Variants in ABT1 observed in about 807,000 individuals in gnomAD.
The protein encoded by ABT1 is activator of basal transcription 1.
A neutral mutation model predicts 14.0 loss-of-function variants in ABT1; 13 were observed. The ratio of observed to expected loss-of-function variants is 0.93; its 90% CI spans 0.61 to 1.48. The LOEUF (loss-of-function observed/expected upper bound fraction) is 1.48, where lower values mean the gene tolerates loss of function less well. Among genes scored for constraint, ABT1 ranks in the 40% most tolerant of loss-of-function variants. The pLI is 0.00. For missense variants in ABT1, 430 were observed against 380.0 expected (o/e 1.13, Z -1.09); for synonymous variants, 165 against 144.6 (o/e 1.14, Z -1.01).
Position 26,597,981 on chromosome 6 carries a change from G to A in ABT1, c.309G>A (p.Lys103=). The change falls in exon 2 of 3, where the codon AAG becomes AAA. Residue 103 remains lysine, a synonymous_variant. Transcript: ENST00000274849. ...AAGGKKRSYT[K]DYTEGWVEFR... ...GAGGAAAAAAGCGGTCCTACACCAA[G>A]GACTACACCGAGGGATGGGTGGAGT... 6.2e-7 allele frequency: 1 copy of A among 1,614,188 alleles called. No individual in the cohort carries two copies.
chr6:26,598,772 C>G lies in ABT1; in HGVS notation c.*127C>G. The G allele has an allele frequency of 3.9e-6, 5 of 1,291,718 alleles. No homozygotes were observed. The highest frequency in any genetic ancestry group is 5.1e-6 in the Non-Finnish European group (5 of 973,234). The allele number at this position is 1,291,718 out of a possible 1,614,324, so 80.0% of individuals were successfully genotyped here. On this transcript the variant is annotated 3_prime_UTR_variant, in exon 3 of 3. Coordinates refer to ENST00000274849, the MANE Select transcript of ABT1 (RefSeq NM_013375.4). ...TCAGACCAAGTGTCTACTGATGGCC[C>G]AAACATGGAGTTTTGTGGGCTTCCA...
Position 26,598,623 on chromosome 6 carries a change from C to A in ABT1, c.797C>A (p.Pro266His). 2 of 1,570,598 alleles carry A rather than the reference C, an allele frequency of 1.3e-6. No individual in the cohort carries two copies. The highest frequency in any genetic ancestry group is 1.8e-5 in the Admixed American group (1 of 56,044). The stretch of plus-strand genomic sequence containing the variant: ...CCACCCTCAGAGAGCATGGAGGGAC[C>A]TTCCCTTGTCAGGGACTCCTGAGGG... ...APPPSESMEG[P>H]SLVRDS The change falls in exon 3 of 3, where the codon CCT becomes CAT. Residue 266 changes from proline to histidine, a missense_variant. Physicochemically the swap from Pro to His is moderately conservative, Grantham distance 77 (BLOSUM62 -2). Coordinates refer to ENST00000274849, the MANE Select transcript of ABT1 (RefSeq NM_013375.4).
chr6:26,598,033 G>A lies in ABT1; in HGVS notation c.361G>A (p.Val121Met), dbSNP rs782312171. The A allele has an allele frequency of 3.7e-6, 6 of 1,614,220 alleles. No individual in the cohort carries two copies. Among genetic ancestry groups the A allele is most frequent in the Non-Finnish European group, 5.1e-6 (6 of 1,180,036 alleles). ...CCGTGACAAGCGCATAGCCAAGCGC[G>A]TGGCGGCCAGTCTACACAACACGCC... is the stretch of plus-strand genomic sequence containing the variant. ...EFRDKRIAKR[V>M]AASLHNTPMG... The change falls in exon 2 of 3, where the codon GTG becomes ATG. Residue 121 changes from valine (V) to methionine (M), a missense_variant. By Grantham distance (21) the Val-to-Met change is conservative. Coordinates refer to ENST00000274849, the MANE Select transcript of ABT1 (RefSeq NM_013375.4).
chr6:26,596,957 C>T lies in ABT1; in HGVS notation c.-26C>T. ...CGTCAGTTGGCAAGGCACTTTACGG[C>T]CGTCGTGCCGCTCGTGTCAGTCAAC... On this transcript the variant is annotated 5_prime_UTR_variant, in exon 1 of 3. Coordinates refer to ENST00000274849, the MANE Select transcript of ABT1 (RefSeq NM_013375.4). 2 of 1,599,408 alleles carry T rather than the reference C, an allele frequency of 1.3e-6. No individual in the cohort carries two copies. The highest frequency in any genetic ancestry group is 1.7e-6 in the Non-Finnish European group (2 of 1,173,548).
intron 1 of ABT1, 146 bp downstream of exon 1, chr6:26,597,369 G>A: frequency 7.9e-7 from 1 of 1,266,992 alleles, no homozygotes; most frequent in East Asian, 2.5e-5. Context: ...TTGGCTCCTG[G>A]CTGGTGAATC....
rs1764907830 is a variant in ABT1 at position 26,597,008 on chromosome 6, C to T, written c.26C>T (p.Ala9Val). The T allele has an allele frequency of 8.7e-6, 14 of 1,612,336 alleles. No individual in the cohort carries two copies. The highest frequency in any genetic ancestry group is 1.2e-5 in the Non-Finnish European group (14 of 1,179,574). Residue 9 changes from alanine to valine, a missense_variant, in exon 1 of 3, where the codon GCC (alanine) becomes GTC (valine). Ala to Val is a moderately conservative substitution (Grantham distance 64). Transcript: ENST00000274849. MEAEESEKAATEQEPLEGT... is the reference protein window; with the variant it reads MEAEESEKVATEQEPLEGT... The stretch of plus-strand genomic sequence containing the variant: ...ATGGAGGCAGAGGAATCGGAGAAGG[C>T]CGCAACGGAGCAAGAGCCGCTGGAA...
rs1764909781 is a variant in ABT1, at chr6:26,597,070, G to A, written c.88G>A (p.Glu30Lys). The change falls in exon 1 of 3, where the codon GAG (glutamate) becomes AAG (lysine). Residue 30 changes from glutamate to lysine, a missense_variant. By Grantham distance (56) the Glu-to-Lys change is moderately conservative (BLOSUM62 1). Coordinates refer to ENST00000274849, the MANE Select transcript of ABT1 (RefSeq NM_013375.4). Reference sequence around the variant, plus strand: ...GACACTAGATGCGGAGGAGGAGCAGGAGGAATCCGAAGAAGCGGCCTGTGG... The same window carrying A: ...GACACTAGATGCGGAGGAGGAGCAGAAGGAATCCGAAGAAGCGGCCTGTGG... The part of the protein sequence containing the change: ...EQTLDAEEEQ[E>K]ESEEAACGSK... The A allele has an allele frequency of 6.2e-7, 1 of 1,614,070 alleles. No individual in the cohort carries two copies. Among genetic ancestry groups the A allele is most frequent in the Non-Finnish European group, 8.5e-7 (1 of 1,180,028 alleles).
At chr6:26,597,384 T>A (rs1490533565) in intron 1 of ABT1, among the ~76,000 whole-genome samples, 161 bp downstream of exon 1, 2 of 149,452 alleles carry the variant, frequency 1.3e-5, no homozygotes, top group Admixed American at 6.6e-5. Context: ...TGAATCAGTC[T>A]GTGAGGATGC....
chr6:26,597,891 G>C, intron 1 of ABT1, 23 bp from the exon 2 acceptor site: 1 of 1,594,650 alleles, frequency 6.3e-7, no homozygotes, highest in Non-Finnish European at 8.6e-7. Context: ...CGTCCTGGAC[G>C]GGTCTTTGTC....
rs782202066 is a variant in ABT1 at position 26,597,079 on chromosome 6, G to T, written c.97G>T (p.Glu33Ter). ...TGCGGAGGAGGAGCAGGAGGAATCCGAAGAAGCGGCCTGTGGCAGCAAGAA... is the reference window on the plus strand; with the variant it reads ...TGCGGAGGAGGAGCAGGAGGAATCCTAAGAAGCGGCCTGTGGCAGCAAGAA... The part of the protein sequence containing the change: ...LDAEEEQEES[E>*]EAACGSKKRV... The change falls in exon 1 of 3, where the codon GAA becomes TAA. Residue 33 changes from glutamate (E) to a stop codon, truncating the protein, a stop_gained. Transcript: ENST00000274849. LOFTEE classifies it high-confidence loss of function. The T allele has an allele frequency of 6.2e-7, 1 of 1,614,062 alleles. No individual in the cohort carries two copies. The highest frequency in any genetic ancestry group is 1.7e-5 in the Admixed American group (1 of 60,014).
Position 26,599,902 on chromosome 6 carries a change from T to C in ABT1, c.*1257T>C, listed in dbSNP as rs1355546889. The C allele has an allele frequency of 1.3e-5, 2 of 152,264 alleles. No homozygotes were observed. 9.4% of individuals were successfully genotyped at this position (152,264 alleles called of 1,614,324 possible). A position where few individuals can be genotyped will look rare whatever the true frequency, so the allele number is the denominator to read the frequency against. On this transcript the variant is annotated 3_prime_UTR_variant, in exon 3 of 3. Coordinates refer to ENST00000274849, the MANE Select transcript of ABT1 (RefSeq NM_013375.4). ...TTATAATTTCTGTTTGCTTGTGCTG[T>C]TTGTTTTTGTTTTTCATCTGTCAAT...
In ABT1 at chr6:26,598,464, A is replaced by G. The variant is rs1764933602; in HGVS notation, c.638A>G (p.Gln213Arg). 6.2e-7 allele frequency: 1 copy of G among 1,614,064 alleles called. No homozygotes were observed. Among genetic ancestry groups the G allele is most frequent in the African/African-American group, 1.3e-5 (1 of 74,942 alleles). The change falls in exon 3 of 3, where the codon CAG becomes CGG. Residue 213 changes from glutamine to arginine, a missense_variant. Physicochemically the swap from Gln to Arg is conservative, Grantham distance 43 (BLOSUM62 1). Transcript: ENST00000274849. The part of the protein sequence containing the change: ...ARPDGSWTFA[Q>R]RPTEQELRAR... ...CCAGATGGCTCCTGGACATTTGCCC[A>G]GCGTCCTACTGAGCAGGAACTGAGG...
Position 26,597,026 on chromosome 6 carries a change from C to G in ABT1, c.44C>G (p.Pro15Arg). ...ESEKAATEQEPLEGTEQTLDA... is the reference protein window; with the variant it reads ...ESEKAATEQERLEGTEQTLDA... ...GAGAAGGCCGCAACGGAGCAAGAGC[C>G]GCTGGAAGGGACAGAACAGACACTA... Residue 15 changes from proline (P) to arginine (R), a missense_variant, in exon 1 of 3, where the codon CCG (proline) becomes CGG (arginine). Transcript: ENST00000274849. 1 of 1,613,482 alleles carries G rather than the reference C, an allele frequency of 6.2e-7. No homozygotes were observed. The highest frequency in any genetic ancestry group is 8.5e-7 in the Non-Finnish European group (1 of 1,179,924).
chr6:26,597,205 GTCT>G lies in ABT1; in HGVS notation c.228_230del (p.Phe77del). 6.2e-7 allele frequency: 1 copy of G among 1,614,202 alleles called. No individual in the cohort carries two copies. The highest frequency in any genetic ancestry group is 1.1e-5 in the South Asian group (1 of 91,086). On this transcript the variant is annotated inframe_deletion, in exon 1 of 3. Transcript: ENST00000274849. ...CAGCGCCTATGGCGAGGTCGGACGC[GTCT>G]TCTTTCAGGCTGAGGGTAAGTATGC...
rs1360394619 is a variant in ABT1, at chr6:26,598,371, C to A, written c.545C>A (p.Thr182Asn). ...RAEVAQAKRE[T>N]DFYLQSVERG... ...GAGGTTGCTCAAGCCAAGCGTGAGA[C>A]CGACTTCTATCTTCAAAGTGTGGAA... Residue 182 changes from threonine to asparagine, a missense_variant, in exon 3 of 3, where the codon ACC (threonine) becomes AAC (asparagine). Thr to Asn is a moderately conservative substitution (Grantham distance 65). Transcript: ENST00000274849. The A allele has an allele frequency of 6.2e-7, 1 of 1,614,260 alleles. No homozygotes were observed. Among genetic ancestry groups the A allele is most frequent in the Admixed American group, 1.7e-5 (1 of 60,036 alleles).
rs1554144542 is a variant in ABT1 at position 26,597,060 on chromosome 6, G to T, written c.78G>T (p.Glu26Asp). The T allele has an allele frequency of 6.2e-7, 1 of 1,614,014 alleles. No individual in the cohort carries two copies. The highest frequency in any genetic ancestry group is 8.5e-7 in the Non-Finnish European group (1 of 1,180,022). Reference sequence around the variant, plus strand: ...GGACAGAACAGACACTAGATGCGGAGGAGGAGCAGGAGGAATCCGAAGAAG... The same window carrying T: ...GGACAGAACAGACACTAGATGCGGATGAGGAGCAGGAGGAATCCGAAGAAG... ...LEGTEQTLDA[E>D]EEQEESEEAA... Residue 26 changes from glutamate to aspartate, a missense_variant, in exon 1 of 3, where the codon GAG becomes GAT. Physicochemically the swap from Glu to Asp is conservative, Grantham distance 45. Coordinates refer to ENST00000274849, the MANE Select transcript of ABT1 (RefSeq NM_013375.4).
Position 26,596,978 on chromosome 6 carries a change from T to C in ABT1, c.-5T>C. 1 of 1,608,592 alleles carries C rather than the reference T, an allele frequency of 6.2e-7. No homozygotes were observed. Among genetic ancestry groups the C allele is most frequent in the East Asian group, 2.2e-5 (1 of 44,712 alleles). ...ACGGCCGTCGTGCCGCTCGTGTCAG[T>C]CAACATGGAGGCAGAGGAATCGGAG... On this transcript the variant is annotated 5_prime_UTR_variant, in exon 1 of 3. Transcript: ENST00000274849.
In ABT1 at chr6:26,598,557, G is replaced by T. The variant is rs782331939; in HGVS notation, c.731G>T (p.Arg244Leu). 6.2e-7 allele frequency: 1 copy of T among 1,610,656 alleles called. No homozygotes were observed. The highest frequency in any genetic ancestry group is 1.3e-5 in the African/African-American group (1 of 74,968). Residue 244 changes from arginine to leucine, a missense_variant, in exon 3 of 3, where the codon CGC (arginine) becomes CTC (leucine). Coordinates refer to ENST00000274849, the MANE Select transcript of ABT1 (RefSeq NM_013375.4). ...ARLATAQDKARSNKGLLARIF... is the reference protein window; with the variant it reads ...ARLATAQDKALSNKGLLARIF... The stretch of plus-strand genomic sequence containing the variant: ...CTGGCAACTGCCCAGGACAAGGCCC[G>T]CTCCAACAAAGGGCTCCTGGCCAGG...
chr6:26,597,966 G>A lies in ABT1; in HGVS notation c.294G>A (p.Lys98=). 1 of 1,613,804 alleles carries A rather than the reference G, an allele frequency of 6.2e-7. No individual in the cohort carries two copies. The highest frequency in any genetic ancestry group is 8.5e-7 in the Non-Finnish European group (1 of 1,179,846). The change falls in exon 2 of 3, where the codon AAG becomes AAA. Residue 98 remains lysine (K), a synonymous_variant. Coordinates refer to ENST00000274849, the MANE Select transcript of ABT1 (RefSeq NM_013375.4). ...CAGCAGCAGCTGCCGGAGGAAAAAA[G>A]CGGTCCTACACCAAGGACTACACCG... ...KKAAAAAGGK[K]RSYTKDYTEG... is the part of the protein sequence containing the mutation.
Sources: allele counts gnomAD v4.1 joint callset (sites outside exome capture counted in the v4.1 genomes callset), GRCh38; gene constraint gnomAD v4.1.1; transcripts MANE v1.5; gene names NCBI Gene and HGNC (gene_info 2026-07-23, HGNC 2026-07-21).